ROBO2: variants seen among roughly 807,000 people sequenced by gnomAD.
ROBO2 encodes roundabout guidance receptor 2.
A neutral mutation model predicts 160.8 loss-of-function variants in ROBO2; 53 were observed. The ratio of observed to expected loss-of-function variants is 0.33; its 90% CI spans 0.26 to 0.41. The LOEUF (loss-of-function observed/expected upper bound fraction) is 0.41. Ranked by LOEUF, ROBO2 falls within the 10% of genes least tolerant of loss-of-function variation. The probability of loss-of-function intolerance (pLI) is 1.00; values close to 1 mark genes in which losing one functional copy is unlikely to be tolerated. For missense variants in ROBO2, 1,577 were observed against 1,722.4 expected (o/e 0.92, Z 1.49); for synonymous variants, 664 against 611.7 (o/e 1.09, Z -1.26).
intron 2 of ROBO2, among the ~76,000 whole-genome samples, chr3:76,555,368 A>G (rs962632460): frequency 1.1e-4 from 5 of 46,110 alleles, no homozygotes; most frequent in African/African-American, 1.7e-4. Context: ...GAGAAGAAGA[A>G]GAAGAAGAAG....
chr3:77,448,427 G>T (rs1306435896), intron 2 of ROBO2, among the ~76,000 whole-genome samples: 1 of 152,118 alleles, frequency 6.6e-6, no homozygotes, highest in East Asian at 1.9e-4. Context: ...AGTGTCCCCA[G>T]GTAAGATCAA....
chr3:76,208,056 A>G (rs1367163833), intron 2 of ROBO2, among the ~76,000 whole-genome samples: 1 of 152,108 alleles, frequency 6.6e-6, no homozygotes, highest in African/African-American at 2.4e-5. Flanking sequence ...AGCCCTGTGA[A>G]CTGCTCTCCC....
intron 2 of ROBO2, among the ~76,000 whole-genome samples, chr3:75,942,911 G>T (rs563253187): frequency 2.0e-3 from 302 of 152,224 alleles, no homozygotes; most frequent in African/African-American, 6.9e-3. Context: ...CTTAAAAGTA[G>T]TTAGCAAGCC....
chr3:77,242,056 C>A (rs1054842700), intron 2 of ROBO2, among the ~76,000 whole-genome samples: 2 of 152,190 alleles, frequency 1.3e-5, no homozygotes, highest in East Asian at 3.9e-4. Flanking sequence ...CTTTGATTTT[C>A]TTTTATTTTT....
intron 2 of ROBO2, among the ~76,000 whole-genome samples, chr3:76,723,116 T>A (rs564224786): frequency 9.5e-4 from 145 of 152,288 alleles, no homozygotes; most frequent in African/African-American, 3.1e-3. Flanking sequence ...ATTCCTTGTG[T>A]TATACAATTT....
At chr3:77,187,838 G>C (rs1230309445) in intron 2 of ROBO2, among the ~76,000 whole-genome samples, 5 of 151,778 alleles carry the variant, frequency 3.3e-5, no homozygotes, top group African/African-American at 1.2e-4. Flanking sequence ...TTTCATCATA[G>C]ACCATTGAAA....
intron 2 of ROBO2, among the ~76,000 whole-genome samples, chr3:76,669,665 C>T (rs34665951): frequency 0.15 from 23,526 of 152,060 alleles, 2,294 homozygotes; most frequent in Non-Finnish European, 0.22. Context: ...CTCCATCAAC[C>T]GGGGACGGGG....
chr3:76,059,426 T>C (rs2067985481), intron 2 of ROBO2, among the ~76,000 whole-genome samples: 1 of 152,212 alleles, frequency 6.6e-6, no homozygotes, highest in African/African-American at 2.4e-5. Flanking sequence ...TTTCATGTGT[T>C]TTCTGGCTGC....
At chr3:77,224,877 T>G (rs568170279) in intron 2 of ROBO2, among the ~76,000 whole-genome samples, 1 of 150,864 alleles carries the variant, frequency 6.6e-6, no homozygotes, top group South Asian at 2.1e-4. Context: ...TGATAGTGGA[T>G]GATAAGACTG....
intron 2 of ROBO2, among the ~76,000 whole-genome samples, chr3:77,200,816 C>T (rs1416033409): frequency 6.6e-6 from 1 of 152,096 alleles, no homozygotes; most frequent in African/African-American, 2.4e-5. Flanking sequence ...TGGTTAAGCA[C>T]ATTGTGTCTG....
At chr3:76,911,768 A>G (rs1577421511) in intron 2 of ROBO2, among the ~76,000 whole-genome samples, 1 of 151,768 alleles carries the variant, frequency 6.6e-6, no homozygotes, top group Middle Eastern at 3.4e-3. Flanking sequence ...AAGGTTCTAT[A>G]AGATTTCCAA....
intron 2 of ROBO2, among the ~76,000 whole-genome samples, chr3:75,993,309 C>G (rs1576410585): frequency 6.6e-6 from 1 of 152,112 alleles, no homozygotes; most frequent in East Asian, 1.9e-4. Flanking sequence ...TTGTGCTGTT[C>G]TCATAATAGT....
chr3:76,749,379 G>A (rs144971731), intron 2 of ROBO2, among the ~76,000 whole-genome samples: 1 of 151,860 alleles, frequency 6.6e-6, no homozygotes, highest in Non-Finnish European at 1.5e-5. Context: ...ACTGTAGTTT[G>A]CATCCTGCTA....
intron 2 of ROBO2, among the ~76,000 whole-genome samples, chr3:77,000,412 A>G (rs978343361): frequency 1.3e-5 from 2 of 152,090 alleles, no homozygotes; most frequent in African/African-American, 4.8e-5. Flanking sequence ...CTTCTCCCTC[A>G]GTTTATCTCC....
chr3:76,876,429 C>T (rs1290668221), intron 2 of ROBO2, among the ~76,000 whole-genome samples: 1 of 152,110 alleles, frequency 6.6e-6, no homozygotes. Flanking sequence ...AATCCCAGAA[C>T]TTTATGAGGC....
intron 2 of ROBO2, among the ~76,000 whole-genome samples, chr3:76,176,425 G>A (rs1236233270): frequency 6.6e-6 from 1 of 152,086 alleles, no homozygotes; most frequent in African/African-American, 2.4e-5. Flanking sequence ...GAAATTTTGT[G>A]GATAGTCATG....
intron 2 of ROBO2, among the ~76,000 whole-genome samples, chr3:76,539,147 G>T (rs565592270): frequency 2.0e-5 from 3 of 152,012 alleles, no homozygotes; most frequent in Non-Finnish European, 2.9e-5. Context: ...TGAACAATGA[G>T]AACACATGGA....
intron 2 of ROBO2, among the ~76,000 whole-genome samples, chr3:76,576,296 C>A (rs2108653744): frequency 6.6e-6 from 1 of 152,156 alleles, no homozygotes; most frequent in African/African-American, 2.4e-5. Flanking sequence ...TTCTTCAGAG[C>A]CATGGGCGGC....
chr3:77,342,128 A>G (rs1248341002), intron 2 of ROBO2, among the ~76,000 whole-genome samples: 1 of 152,168 alleles, frequency 6.6e-6, no homozygotes, highest in East Asian at 1.9e-4. Context: ...AGTATGGTAC[A>G]ATTATACAGT....
Sources: gnomAD v4.1 joint callset for allele counts (sites outside exome capture counted in the v4.1 genomes callset) on GRCh38, gnomAD v4.1.1 for gene constraint, MANE v1.5 for transcripts, NCBI Gene and HGNC (gene_info 2026-07-23, HGNC 2026-07-21) for gene names.